The following CCSER1 variants were observed in gnomAD, a reference collection of about 807,000 sequenced individuals.
CCSER1 encodes serine-rich coiled-coil domain-containing protein 1.
In CCSER1, 41 loss-of-function variants were observed where a neutral mutation model predicts 82.0. The observed-to-expected ratio is 0.50, with a 90% CI of 0.39 to 0.65. The LOEUF is 0.65. Among genes scored for constraint, CCSER1 ranks in the 30% least tolerant of loss-of-function variants. CCSER1 has a pLI of 0.00. For missense variants in CCSER1, 1,119 were observed against 1,064.2 expected (o/e 1.05, Z -0.72); for synonymous variants, 414 against 383.9 (o/e 1.08, Z -0.92).
At chr4:90,424,372 C>A (rs1477822955) in intron 4 of CCSER1, among the ~76,000 whole-genome samples, 1 of 152,132 alleles carries the variant, frequency 6.6e-6, no homozygotes, top group East Asian at 1.9e-4. Flanking sequence ...TCTCATTATA[C>A]ATCCTTAATA....
At chr4:90,686,749 C>T (rs1034162012) in intron 6 of CCSER1, among the ~76,000 whole-genome samples, 14 of 151,986 alleles carry the variant, frequency 9.2e-5, no homozygotes, top group African/African-American at 3.4e-4. Flanking sequence ...CAGAACCACA[C>T]ACGAAAAAGG....
intron 1 of CCSER1, among the ~76,000 whole-genome samples, chr4:90,174,127 A>G (rs1732240210): frequency 6.6e-6 from 1 of 151,922 alleles, no homozygotes; most frequent in South Asian, 2.1e-4. Flanking sequence ...GTGGGTACAG[A>G]GAATGTCTTC....
chr4:90,685,574 A>G (rs563317778), intron 6 of CCSER1, among the ~76,000 whole-genome samples: 1 of 152,126 alleles, frequency 6.6e-6, no homozygotes, highest in Non-Finnish European at 1.5e-5. Flanking sequence ...CCAGAATGGG[A>G]AAACACAGAC....
chr4:91,158,624 G>A (rs943585847), intron 10 of CCSER1, among the ~76,000 whole-genome samples: 38 of 131,512 alleles, frequency 2.9e-4, no homozygotes, highest in African/African-American at 1.3e-3. Context: ...CTCTTTCTGT[G>A]TGTGTGTGTG....
At chr4:91,443,272 A>T (rs1578470841) in intron 10 of CCSER1, among the ~76,000 whole-genome samples, 1 of 152,114 alleles carries the variant, frequency 6.6e-6, no homozygotes, top group Non-Finnish European at 1.5e-5. Flanking sequence ...GCACATATAC[A>T]CCATGGAATA....
At chr4:91,135,891 C>A (rs1247284683) in intron 10 of CCSER1, among the ~76,000 whole-genome samples, 1 of 152,114 alleles carries the variant, frequency 6.6e-6, no homozygotes, top group Non-Finnish European at 1.5e-5. Context: ...TCCTGTGAAT[C>A]ATGAGTATAT....
chr4:90,368,937 A>C (rs1297096823), intron 3 of CCSER1, among the ~76,000 whole-genome samples: 1 of 151,994 alleles, frequency 6.6e-6, no homozygotes, highest in Non-Finnish European at 1.5e-5. Flanking sequence ...ACCCTTAACC[A>C]TTTATTCCAC....
chr4:90,431,542 G>A (rs1288096275), intron 4 of CCSER1, among the ~76,000 whole-genome samples: 3 of 152,044 alleles, frequency 2.0e-5, no homozygotes, highest in Non-Finnish European at 4.4e-5. Flanking sequence ...GATGCTTATT[G>A]TTTTAAAACC....
At chr4:91,552,110 C>T (rs893589906) in intron 10 of CCSER1, among the ~76,000 whole-genome samples, 5 of 151,534 alleles carry the variant, frequency 3.3e-5, no homozygotes, top group Non-Finnish European at 7.4e-5. Flanking sequence ...TAATGTATGA[C>T]ATAAAATCTC....
At position 91,438,574 on chromosome 4, in the gene CCSER1, G is replaced by A. The variant is rs79245793; in HGVS notation, c.2218-159998G>A. 6.6e-4 allele frequency among the ~76,000 whole-genome samples: 100 copies of A among 152,284 alleles called. 2 individuals are homozygous for A. The Middle Eastern group carries it at 0.01, about 16-fold the overall frequency. On this transcript the variant is annotated intron_variant, in intron 10 of 10. Transcript: ENST00000509176. The stretch of plus-strand genomic sequence containing the variant: ...AACTGGATACTCTAAAAAGCAGAGC[G>A]CCTCTCCTCCTCCAAAGGAACATAA...
chr4:90,513,185 T>C (rs951272761), intron 5 of CCSER1, among the ~76,000 whole-genome samples: 11 of 152,184 alleles, frequency 7.2e-5, no homozygotes, highest in Non-Finnish European at 1.3e-4. Context: ...TCATGTTCAG[T>C]TGCGTAGGTA....
intron 5 of CCSER1, among the ~76,000 whole-genome samples, chr4:90,561,112 C>T (rs562704693): frequency 6.6e-6 from 1 of 152,296 alleles, no homozygotes; most frequent in South Asian, 2.1e-4. Context: ...CATGGACGTT[C>T]ATAAGATAAT....
intron 10 of CCSER1, among the ~76,000 whole-genome samples, chr4:91,501,488 A>C (rs762190240): frequency 1.3e-5 from 2 of 152,024 alleles, no homozygotes; most frequent in Non-Finnish European, 2.9e-5. Flanking sequence ...TAATTTAAAG[A>C]GTTACATAAT....
chr4:90,140,946 T>A (rs1475802527), intron 1 of CCSER1, among the ~76,000 whole-genome samples: 3 of 151,900 alleles, frequency 2.0e-5, no homozygotes, highest in African/African-American at 7.3e-5. Context: ...ATTACCGGAG[T>A]GAGCCACCGC....
intron 1 of CCSER1, among the ~76,000 whole-genome samples, chr4:90,262,028 A>G (rs72877785): frequency 0.052 from 7,884 of 151,292 alleles, 549 homozygotes; most frequent in African/African-American, 0.16. Context: ...ATTTTTGTTG[A>G]TTTTCACCTT....
intron 10 of CCSER1, among the ~76,000 whole-genome samples, chr4:91,094,740 A>G (rs1724328842): frequency 6.6e-6 from 1 of 152,104 alleles, no homozygotes; most frequent in Admixed American, 6.6e-5. Context: ...ACTCAGGGCC[A>G]TCGCTTAGCT....
chr4:90,436,949 G>C (rs1008928372), intron 4 of CCSER1, among the ~76,000 whole-genome samples: 11 of 151,790 alleles, frequency 7.2e-5, no homozygotes, highest in Non-Finnish European at 1.2e-4. Flanking sequence ...TGGGACTACA[G>C]CCTCCCGAGT....
chr4:90,462,976 T>C lies in CCSER1; in HGVS notation c.1604-5258T>C, dbSNP rs560638607. On this transcript the variant is annotated intron_variant, in intron 4 of 10. Transcript: ENST00000509176. ...CTTATAACCATTGTTATAAGTCATT[T>C]TGAAGGACAGAGCTTAGAACCCAAA... Among the ~76,000 whole-genome samples, 18 of 152,268 alleles carry C rather than the reference T, an allele frequency of 1.2e-4. No homozygotes were observed. The South Asian group carries it at 1.5e-3, about 12-fold the overall frequency.
At chr4:91,142,541 G>A (rs1270315224) in intron 10 of CCSER1, among the ~76,000 whole-genome samples, 1 of 152,068 alleles carries the variant, frequency 6.6e-6, no homozygotes, top group Non-Finnish European at 1.5e-5. Context: ...ATTTGCCAAG[G>A]CTGATGTCCA....
Sources: gnomAD v4.1 joint callset for allele counts (sites outside exome capture counted in the v4.1 genomes callset) on GRCh38, gnomAD v4.1.1 for gene constraint, MANE v1.5 for transcripts, NCBI Gene and HGNC (gene_info 2026-07-23, HGNC 2026-07-21) for gene names.